The following DCAF17 variants were observed in gnomAD, a reference collection of about 807,000 sequenced individuals.
DCAF17 encodes the protein DDB1- and CUL4-associated factor 17.
A neutral mutation model predicts 66.0 loss-of-function variants in DCAF17; 48 were observed. The observed-to-expected ratio is 0.73, with a 90% CI of 0.58 to 0.92. DCAF17 has a LOEUF of 0.92. Among genes scored for constraint, DCAF17 ranks in the 40% least tolerant of loss-of-function variants. DCAF17 has a pLI of 0.00. For missense variants in DCAF17, 562 were observed against 622.8 expected, an observed-to-expected ratio of 0.90 and a Z score of 1.04; for synonymous variants, 206 against 214.6, an observed-to-expected ratio of 0.96 and a Z score of 0.35.
At position 171,434,367 on chromosome 2, in the gene DCAF17, C is replaced by A; in HGVS notation, c.-211C>A. ...AGATCGAAAAGGGAGTGCTTCTTCC[C>A]TTCTCTCCGCGCTCTGGCGGTGCAA... On this transcript the variant is annotated 5_prime_UTR_variant, in exon 1 of 14. Transcript: ENST00000375255. The A allele has an allele frequency of 1.2e-6, 1 of 838,340 alleles. No individual in the cohort carries two copies. Among genetic ancestry groups the A allele is most frequent in the Non-Finnish European group, 1.9e-6 (1 of 517,702 alleles). 51.9% of individuals were successfully genotyped at this position (838,340 alleles called of 1,614,324 possible). A position where few individuals can be genotyped will look rare whatever the true frequency, so the allele number is the denominator to read the frequency against.
Position 171,481,936 on chromosome 2 carries a change from G to A in DCAF17, c.*822G>A. On this transcript the variant is annotated 3_prime_UTR_variant, in exon 14 of 14. Transcript: ENST00000375255. ...CAATATTTGCATACTTATGCAATAAGATAAAGGTACCCTTGCCTGCAGTAG... is the reference window on the plus strand; with the variant it reads ...CAATATTTGCATACTTATGCAATAAAATAAAGGTACCCTTGCCTGCAGTAG... The A allele has an allele frequency of 2.2e-6, 1 of 454,042 alleles. No individual in the cohort carries two copies. The highest frequency in any genetic ancestry group is 1.6e-5 in the South Asian group (1 of 64,460). 28.1% of individuals were successfully genotyped at this position (454,042 alleles called of 1,614,324 possible).
chr2:171,440,620 T>C (rs1417164736), intron 2 of DCAF17, among the ~76,000 whole-genome samples: 2 of 152,208 alleles, frequency 1.3e-5, no homozygotes, highest in Non-Finnish European at 2.9e-5. Context: ...AAGAATTAAA[T>C]AGGCCTTTAG....
At chr2:171,459,337 A>G (rs1382125638) in intron 8 of DCAF17, among the ~76,000 whole-genome samples, 1 of 152,200 alleles carries the variant, frequency 6.6e-6, no homozygotes, top group Non-Finnish European at 1.5e-5. Flanking sequence ...GAAATCAACT[A>G]TTACTCAAAT....
chr2:171,482,825 T>A lies in DCAF17; in HGVS notation c.*1711T>A. The A allele has an allele frequency of 4.4e-6, 2 of 454,118 alleles. No homozygotes were observed. Among genetic ancestry groups the A allele is most frequent in the Non-Finnish European group, 8.8e-6 (2 of 226,784 alleles). The allele number at this position is 454,118 out of a possible 1,614,324, so 28.1% of individuals were successfully genotyped here. A position where few individuals can be genotyped will look rare whatever the true frequency, so the allele number is the denominator to read the frequency against. On this transcript the variant is annotated 3_prime_UTR_variant, in exon 14 of 14. Coordinates refer to ENST00000375255, the MANE Select transcript of DCAF17 (RefSeq NM_025000.4). Reference sequence around the variant, plus strand: ...TTGCTGGGGGTAGATGGTGGAATACTTCTGGTCTAGATATAACTTACCACT... The same window carrying A: ...TTGCTGGGGGTAGATGGTGGAATACATCTGGTCTAGATATAACTTACCACT...
At chr2:171,479,944 G>T in intron 12 of DCAF17, 94 bp from the exon 13 acceptor site, 1 of 1,395,950 alleles carries the variant, frequency 7.2e-7, no homozygotes, top group Admixed American at 1.8e-5. Flanking sequence ...ATTTTTGTAA[G>T]TAATAGAATA....
chr2:171,453,228 C>G lies in DCAF17; in HGVS notation c.627+15C>G. ...TCAACAAAAAGGTAAGAACTCATTTCTTATTTAATTGCAATATTTTATTGA... is the reference window on the plus strand; with the variant it reads ...TCAACAAAAAGGTAAGAACTCATTTGTTATTTAATTGCAATATTTTATTGA... On this transcript the variant is annotated intron_variant, in intron 6 of 13. Transcript: ENST00000375255. The G allele has an allele frequency of 6.4e-7, 1 of 1,555,058 alleles. No individual in the cohort carries two copies. The highest frequency in any genetic ancestry group is 8.8e-7 in the Non-Finnish European group (1 of 1,130,436).
intron 6 of DCAF17, among the ~76,000 whole-genome samples, chr2:171,453,552 A>C (rs1305478210): frequency 1.3e-5 from 2 of 152,162 alleles, no homozygotes; most frequent in Non-Finnish European, 2.9e-5. Flanking sequence ...GAAAAGTTGC[A>C]ACAAAATATT....
At chr2:171,480,309 T>C in intron 13 of DCAF17, 116 bp downstream of exon 13, 2 of 1,333,600 alleles carry the variant, frequency 1.5e-6, no homozygotes, top group Non-Finnish European at 2.1e-6. Flanking sequence ...AATGACCATG[T>C]GAAAGAGGTT....
At position 171,480,086 on chromosome 2, in the gene DCAF17, G is replaced by A. The variant is rs147068576; in HGVS notation, c.1315G>A (p.Val439Ile). The change falls in exon 13 of 14, where the codon GTA (valine) becomes ATA (isoleucine). Residue 439 changes from valine to isoleucine, a missense_variant. This residue lies in a region of DCAF17 where 201 missense variants were observed against 231.1 expected (regional missense o/e 0.87). Transcript: ENST00000375255. ...AGATGAGTTAGATTTGCTTTCTGTG[G>A]TAGCTGTTACTCAAATAGATGCTGA... ...YEDELDLLSV[V>I]AVTQIDAEGK... is the part of the protein sequence containing the mutation. 1.7e-4 allele frequency: 271 copies of A among 1,613,758 alleles called. No individual in the cohort carries two copies. Among genetic ancestry groups the A allele is most frequent in the Non-Finnish European group, 2.2e-4 (257 of 1,179,762 alleles).
intron 8 of DCAF17, among the ~76,000 whole-genome samples, chr2:171,463,507 T>C (rs1020349317): frequency 1.1e-4 from 17 of 152,206 alleles, no homozygotes; most frequent in African/African-American, 3.9e-4. Flanking sequence ...GTTTTCATTA[T>C]ATCTTCTGAT....
In DCAF17 at chr2:171,461,803, G is replaced by A. The variant is rs145173372; in HGVS notation, c.838+3326G>A. 1.1e-4 allele frequency among the ~76,000 whole-genome samples: 17 copies of A among 152,158 alleles called. 1 individual carries two copies. In the East Asian group the frequency reaches 2.7e-3, roughly 24 times the overall value. Reference sequence around the variant, plus strand: ...CCCAAAAAGTTCCCCTGTGCTCTTCGCAGTAAATTCCTCTCTTAACCCAGC... The same window carrying A: ...CCCAAAAAGTTCCCCTGTGCTCTTCACAGTAAATTCCTCTCTTAACCCAGC... On this transcript the variant is annotated intron_variant, in intron 8 of 13. Transcript: ENST00000375255.
intron 3 of DCAF17, among the ~76,000 whole-genome samples, chr2:171,444,366 A>C (rs1473250674): frequency 1.3e-5 from 2 of 152,216 alleles, no homozygotes; most frequent in Non-Finnish European, 2.9e-5. Flanking sequence ...ATGCTCCAAA[A>C]TTCAAAACTT....
intron 11 of DCAF17, 24 bp downstream of exon 11, chr2:171,476,974 C>T (rs1305891339): frequency 6.6e-7 from 1 of 1,513,750 alleles, no homozygotes; most frequent in Non-Finnish European, 9.2e-7. Flanking sequence ...ACTTTAAAAT[C>T]CTTTATATAT....
intron 2 of DCAF17, among the ~76,000 whole-genome samples, chr2:171,437,809 A>C (rs1230609180): frequency 1.3e-5 from 2 of 152,176 alleles, no homozygotes; most frequent in Non-Finnish European, 2.9e-5. Context: ...ACCTTTTCAA[A>C]AAAACAGCTT....
rs529717676 is a variant in DCAF17, at chr2:171,472,007, C to T, written c.982-1859C>T. ...TCCAGCCTGTGCAACAGAGTGAGAC[C>T]CTGTCTCAAAAAATAAAAAATAAAA... is the stretch of plus-strand genomic sequence containing the variant. On this transcript the variant is annotated intron_variant, in intron 9 of 13. Transcript: ENST00000375255. 1.6e-4 allele frequency among the ~76,000 whole-genome samples: 24 copies of T among 151,830 alleles called. No individual in the cohort carries two copies. In the East Asian group the frequency reaches 4.1e-3, roughly 26 times the overall value.
chr2:171,473,805 A>T (rs1696372745), intron 9 of DCAF17, 61 bp from the exon 10 acceptor site: 1 of 1,368,882 alleles, frequency 7.3e-7, no homozygotes, highest in East Asian at 2.4e-5. Context: ...CTTGGGTTAG[A>T]TTTGTAAAAT....
At chr2:171,461,104 T>C (rs948051129) in intron 8 of DCAF17, among the ~76,000 whole-genome samples, 1 of 152,214 alleles carries the variant, frequency 6.6e-6, no homozygotes. Flanking sequence ...TAACTTTAAA[T>C]AACTTTTTTT....
At chr2:171,467,819 G>A (rs1696007796) in intron 8 of DCAF17, among the ~76,000 whole-genome samples, 1 of 151,030 alleles carries the variant, frequency 6.6e-6, no homozygotes, top group African/African-American at 2.4e-5. Context: ...GTTTAAGGGT[G>A]AACCATTTGT....
At chr2:171,480,616 T>C (rs954911320) in intron 13 of DCAF17, among the ~76,000 whole-genome samples, 6 of 152,186 alleles carry the variant, frequency 3.9e-5, no homozygotes, top group African/African-American at 1.4e-4. Flanking sequence ...ATGTCAAAGT[T>C]GTAAGGAACA....
Sources: allele counts gnomAD v4.1 joint callset (sites outside exome capture counted in the v4.1 genomes callset), GRCh38; gene constraint gnomAD v4.1.1; regional missense constraint gnomAD v4.1.1; transcripts MANE v1.5; gene names NCBI Gene and HGNC (gene_info 2026-07-23, HGNC 2026-07-21).